KCP: variants seen among roughly 807,000 people sequenced by gnomAD.
The protein encoded by KCP is kielin cysteine rich BMP regulator.
KCP carries 194 observed loss-of-function variants against 212.7 expected under a neutral mutation model. That is an observed-to-expected ratio of 0.91 (90% CI 0.81 to 1.03). The LOEUF is 1.03. Ranked by LOEUF, KCP falls within the 50% of genes least tolerant of loss-of-function variation. The probability of loss-of-function intolerance (pLI) is 0.00; values close to 1 mark genes in which losing one functional copy is unlikely to be tolerated. For synonymous variants in KCP, 833 were observed against 865.3 expected, an observed-to-expected ratio of 0.96 and a Z score of 0.65; for missense variants, 2,080 against 2,162.5, an observed-to-expected ratio of 0.96 and a Z score of 0.76.
chr7:128,892,788 C>T lies in KCP; in HGVS notation c.1427G>A (p.Cys476Tyr), dbSNP rs76689704. ...CQHPTQPPGA[C>Y]CPSCDSCTYH... ...GGTGCAGCTGTCACAGCTGGGGCAG[C>T]AGGCACCTGGGTGGGGCAGGCTGGT... The change falls in exon 15 of 40, where the codon TGC becomes TAC. Residue 476 changes from cysteine to tyrosine, a missense_variant. Physicochemically the swap from Cys to Tyr is radical, Grantham distance 194 (BLOSUM62 -2). Transcript: ENST00000610776. 14,416 of 1,551,592 alleles carry T rather than the reference C, an allele frequency of 9.3e-3. 1,215 individuals carry two copies. The African/African-American group carries it at 0.18, about 19-fold the overall frequency.
intron 8 of KCP, among the ~76,000 whole-genome samples, chr7:128,899,957 C>T (rs970936137): frequency 7.5e-6 from 1 of 133,974 alleles, no homozygotes; most frequent in African/African-American, 3.9e-5. Flanking sequence ...GGGTTTCTGA[C>T]CTGTGGTAAG....
At position 128,877,466 on chromosome 7, in the gene KCP, C is replaced by T. The variant is rs115155038; in HGVS notation, c.4618+18G>A. ...GTGCTGAGCCTCCCCCAACCTGCAGCGGGCATCACCCCCTCACCACACAGC... is the reference window on the plus strand; with the variant it reads ...GTGCTGAGCCTCCCCCAACCTGCAGTGGGCATCACCCCCTCACCACACAGC... On this transcript the variant is annotated intron_variant, in intron 39 of 39. Coordinates refer to ENST00000610776, the MANE Select transcript of KCP (RefSeq NM_001366122.1). 335 of 1,549,720 alleles carry T rather than the reference C, an allele frequency of 2.2e-4. No homozygotes were observed. In the African/African-American group the frequency reaches 3.9e-3, roughly 18 times the overall value.
chr7:128,877,175 C>T lies in KCP; in HGVS notation c.4755G>A (p.Gln1585=). 1 of 1,490,460 alleles carries T rather than the reference C, an allele frequency of 6.7e-7. No homozygotes were observed. The highest frequency in any genetic ancestry group is 8.9e-7 in the Non-Finnish European group (1 of 1,120,866). The allele number at this position is 1,490,460 out of a possible 1,614,324, so 92.3% of individuals were successfully genotyped here. ...HCVRPCVPGC[Q]CPAGLVEHEA... is the part of the protein sequence containing the mutation. ...CATGCTCCACCAGGCCTGCAGGGCA[C>T]TGGCAGCCGGGCACGCAGGGCCTCA... The change falls in exon 40 of 40, where the codon CAG becomes CAA. Residue 1585 remains glutamine (Q), a synonymous_variant. Transcript: ENST00000610776.
chr7:128,893,546 G>A, intron 11 of KCP, 70 bp from the exon 12 acceptor site: 2 of 1,228,852 alleles, frequency 1.6e-6, no homozygotes, highest in Non-Finnish European at 1.2e-6. Flanking sequence ...TCACCCTGAG[G>A]TGTCCAACCC....
Position 128,884,859 on chromosome 7 carries a change from A to C in KCP, c.3045T>G (p.Cys1015Trp). Residue 1015 changes from cysteine to tryptophan, a missense_variant, in exon 28 of 40, where the codon TGT (cysteine) becomes TGG (tryptophan). By Grantham distance (215) the Cys-to-Trp change is radical. Transcript: ENST00000610776. ...GCTCGTACTTCCGGCCCTCATGCTCACAGTCTTTGGGGTGGAGTGAGAGCA... is the reference window on the plus strand; with the variant it reads ...GCTCGTACTTCCGGCCCTCATGCTCCCAGTCTTTGGGGTGGAGTGAGAGCA... ...PHDCCPQCSD[C>W]EHEGRKYEPG... 1 of 1,550,578 alleles carries C rather than the reference A, an allele frequency of 6.4e-7. No homozygotes were observed. The highest frequency in any genetic ancestry group is 2.4e-5 in the East Asian group (1 of 40,904).
chr7:128,892,828 T>C (rs1794251110), intron 14 of KCP, 34 bp from the exon 15 acceptor site: 2 of 1,551,108 alleles, frequency 1.3e-6, no homozygotes, highest in Non-Finnish European at 1.7e-6. Context: ...GTGAGCTGGG[T>C]AATGCAGGGG....
chr7:128,894,269 G>GCTGGCGGCACTGGATGTGACCCTC lies in KCP; in HGVS notation c.832_855dup (p.Glu278_Gln285dup). ...TATGGACACAGGCTGGCACATTCTC[G>GCTGGCGGCACTGGATGTGACCCTC]CTGGCGGCACTGGATGTGACCCTCC... On this transcript the variant is annotated inframe_insertion, in exon 9 of 40. Coordinates refer to ENST00000610776, the MANE Select transcript of KCP (RefSeq NM_001366122.1). The GCTGGCGGCACTGGATGTGACCCTC allele has an allele frequency of 3.2e-6, 5 of 1,543,992 alleles. No homozygotes were observed. The highest frequency in any genetic ancestry group is 4.4e-6 in the Non-Finnish European group (5 of 1,141,988).
intron 20 of KCP, among the ~76,000 whole-genome samples, 165 bp downstream of exon 20, chr7:128,890,740 C>T (rs986699113): frequency 6.6e-6 from 1 of 151,706 alleles, no homozygotes; most frequent in Non-Finnish European, 1.5e-5. Context: ...GGATGGAGGG[C>T]CGTGCCGGCT....
intron 20 of KCP, 91 bp downstream of exon 20, chr7:128,890,814 G>A: frequency 9.1e-7 from 1 of 1,103,126 alleles, no homozygotes; most frequent in Non-Finnish European, 1.2e-6. Context: ...GGGCGGAGCG[G>A]GCCTGGAGGA....
intron 8 of KCP, among the ~76,000 whole-genome samples, chr7:128,897,014 G>A (rs1487486760): frequency 4.6e-5 from 7 of 152,050 alleles, no homozygotes; most frequent in Admixed American, 2.6e-4. Flanking sequence ...CTCTGCCTCA[G>A]GCAATGTGTC....
intron 22 of KCP, among the ~76,000 whole-genome samples, chr7:128,888,633 GACACACACACATACACAGCC>G (rs1793891662): frequency 7.3e-6 from 1 of 136,368 alleles, no homozygotes; most frequent in Non-Finnish European, 1.6e-5. Flanking sequence ...CACACATACA[GACACACACACATACACAGCC>G]ACACACACAC....
rs1043691850 is a variant in KCP at position 128,886,694 on chromosome 7, A to G, written c.2733T>C (p.Phe911=). 2 of 1,551,484 alleles carry G rather than the reference A, an allele frequency of 1.3e-6. No homozygotes were observed. The highest frequency in any genetic ancestry group is 2.7e-5 in the African/African-American group (2 of 73,024). The change falls in exon 25 of 40, where the codon TTT becomes TTC. Residue 911 remains phenylalanine (F), a synonymous_variant. Coordinates refer to ENST00000610776, the MANE Select transcript of KCP (RefSeq NM_001366122.1). ...ACTCACAGCTGCCTGCTGGTCCCTC[A>G]AACTCCTCCCCATCCTGGTGCTCCC... The part of the protein sequence containing the change: ...QGREHQDGEE[F]EGPAGSCEWC...
At position 128,885,032 on chromosome 7, in the gene KCP, G is replaced by A. The variant is rs192406735; in HGVS notation, c.3040+65C>T. On this transcript the variant is annotated intron_variant, in intron 27 of 39. Transcript: ENST00000610776. ...TGTCTCTGCCACCCGGCCCAGCAGC[G>A]GCAGGGAGGTGTGGGCCCAGGGCTC... 6.4e-5 allele frequency: 99 copies of A among 1,540,228 alleles called. 1 individual carries two copies. The East Asian group carries it at 2.0e-3, about 30-fold the overall frequency.
At chr7:128,879,387 C>T (rs1442273735) in intron 37 of KCP, 135 bp downstream of exon 37, 3 of 676,654 alleles carry the variant, frequency 4.4e-6, no homozygotes, top group East Asian at 2.7e-5. Context: ...CCTCCCCTCA[C>T]ACCCCTGTAC....
rs1794019762 is a variant in KCP, at chr7:128,890,405, T to C, written c.2273A>G (p.Lys758Arg). The C allele has an allele frequency of 6.4e-7, 1 of 1,551,218 alleles. No individual in the cohort carries two copies. The change falls in exon 21 of 40, where the codon AAG (lysine) becomes AGG (arginine). Residue 758 changes from lysine to arginine, a missense_variant. Transcript: ENST00000610776. ...GGGGCACAGTGCAGGGGCACATGCC[T>C]TGGGCTCGCAGCTCACGCTGCCCTC... is the stretch of plus-strand genomic sequence containing the variant. The part of the protein sequence containing the change: ...CWEGSVSCEP[K>R]ACAPALCPFP...
intron 11 of KCP, 119 bp from the exon 12 acceptor site, chr7:128,893,595 C>A (rs113922620): frequency 2.0e-6 from 2 of 982,254 alleles, no homozygotes; most frequent in Admixed American, 4.3e-5. Context: ...TTCTCCAGGG[C>A]GCCCTGCCAG....
intron 21 of KCP, among the ~76,000 whole-genome samples, chr7:128,889,714 A>G (rs981533792): frequency 6.6e-6 from 1 of 152,228 alleles, no homozygotes; most frequent in African/African-American, 2.4e-5. Flanking sequence ...GTTAATTGGA[A>G]GGCAAATAGT....
In KCP at chr7:128,887,222, G is replaced by C. The variant is rs1391024916; in HGVS notation, c.2591C>G (p.Thr864Ser). 1.7e-5 allele frequency: 26 copies of C among 1,551,338 alleles called. No individual in the cohort carries two copies. The highest frequency in any genetic ancestry group is 2.1e-5 in the Non-Finnish European group (24 of 1,146,810). Reference sequence around the variant, plus strand: ...CTAAAGGGGCTGCCTCACCTGGCAGGTGCAGAGGGAGCAGGTAGGGTCAAG... The same window carrying C: ...CTAAAGGGGCTGCCTCACCTGGCAGCTGCAGAGGGAGCAGGTAGGGTCAAG... ...DPLDPTCSLC[T>S]CQEGSMRCQK... The change falls in exon 23 of 40, where the codon ACC (threonine) becomes AGC (serine). Residue 864 changes from threonine to serine, a missense_variant. Coordinates refer to ENST00000610776, the MANE Select transcript of KCP (RefSeq NM_001366122.1).
intron 2 of KCP, 104 bp from the exon 3 acceptor site, chr7:128,907,557 C>A: frequency 1.3e-6 from 1 of 778,350 alleles, no homozygotes; most frequent in South Asian, 3.2e-5. Flanking sequence ...AGAAGTTCGC[C>A]AATTCCAGAG....
Sources: allele counts gnomAD v4.1 joint callset (sites outside exome capture counted in the v4.1 genomes callset), GRCh38; gene constraint gnomAD v4.1.1; transcripts MANE v1.5; gene names NCBI Gene and HGNC (gene_info 2026-07-23, HGNC 2026-07-21).